The following SP140 variants were observed in gnomAD, a reference collection of about 807,000 sequenced individuals.
The protein encoded by SP140 is nuclear body protein SP140.
A neutral mutation model predicts 125.0 loss-of-function variants in SP140; 81 were observed. The ratio of observed to expected loss-of-function variants is 0.65; its 90% CI spans 0.54 to 0.78. The LOEUF is 0.78. Ranked by LOEUF, SP140 falls within the 30% of genes least tolerant of loss-of-function variation. SP140 has a pLI of 0.00. For missense variants in SP140, 858 were observed against 1,037.0 expected (o/e 0.83, Z 2.37); for synonymous variants, 312 against 354.0 (o/e 0.88, Z 1.33).
chr2:230,307,986 TATATACACAC>T (rs1399745320), intron 22 of SP140, among the ~76,000 whole-genome samples: 57 of 85,620 alleles, frequency 6.7e-4, no homozygotes, highest in African/African-American at 2.3e-3. Flanking sequence ...TATATATATA[TATATACACAC>T]ACACACACAC....
rs1189270278 is a variant in SP140 at position 230,226,042 on chromosome 2, AT to A, written c.59+145del. 5 of 698,518 alleles carry A rather than the reference AT, an allele frequency of 7.2e-6. No individual in the cohort carries two copies. The African/African-American group carries it at 7.2e-5, about 10-fold the overall frequency. 43.3% of individuals were successfully genotyped at this position (698,518 alleles called of 1,614,324 possible). A position where few individuals can be genotyped will look rare whatever the true frequency, so the allele number is the denominator to read the frequency against. On this transcript the variant is annotated intron_variant, in intron 1 of 26. Coordinates refer to ENST00000392045, the MANE Select transcript of SP140 (RefSeq NM_007237.5). Reference sequence around the variant, plus strand: ...TACAAATAAATAACGAGGCAATCAGATTTTTTAAATTGCAGGGATTGGCTGT... The same window carrying A: ...TACAAATAAATAACGAGGCAATCAGATTTTTAAATTGCAGGGATTGGCTGT...
At chr2:230,286,886 T>G (rs569652262) in intron 17 of SP140, among the ~76,000 whole-genome samples, 1 of 152,322 alleles carries the variant, frequency 6.6e-6, no homozygotes, top group South Asian at 2.1e-4. Context: ...CATGATATGC[T>G]TAGAACTTAT....
At chr2:230,257,890 G>A (rs563146392) in intron 12 of SP140, among the ~76,000 whole-genome samples, 2 of 152,240 alleles carry the variant, frequency 1.3e-5, no homozygotes, top group South Asian at 4.2e-4. Flanking sequence ...GTTTGTGGAA[G>A]TGTGGATCTC....
chr2:230,285,941 C>T, intron 17 of SP140, 109 bp downstream of exon 17: 1 of 802,830 alleles, frequency 1.2e-6, no homozygotes, highest in Non-Finnish European at 2.1e-6. Flanking sequence ...CAAGCTTAGT[C>T]AATTGGAGAG....
chr2:230,307,558 G>A (rs1412607279), intron 22 of SP140, among the ~76,000 whole-genome samples: 2 of 152,244 alleles, frequency 1.3e-5, no homozygotes, highest in Non-Finnish European at 2.9e-5. Flanking sequence ...CATGGAAGCT[G>A]TTTGCAGTGT....
chr2:230,269,592 C>G lies in SP140; in HGVS notation c.1301C>G (p.Ser434Cys). The G allele has an allele frequency of 1.3e-6, 2 of 1,593,778 alleles. No homozygotes were observed. Among genetic ancestry groups the G allele is most frequent in the Middle Eastern group, 3.3e-4 (2 of 5,986 alleles). Residue 434 changes from serine (S) to cysteine (C), a missense_variant, in exon 13 of 27, where the codon TCT (serine) becomes TGT (cysteine). This residue lies in a region of SP140 where 791 missense variants were observed against 869.5 expected (regional missense o/e 0.91). Coordinates refer to ENST00000392045, the MANE Select transcript of SP140 (RefSeq NM_007237.5). ...GAAGGAGAATCAGAAGAGCTTGCTT[C>G]TAGCCTGCTATATGATAATGTACCA... Reference protein sequence around the residue: ...NEEGESEELASSLLYDNVPGA... With the variant: ...NEEGESEELACSLLYDNVPGA...
intron 22 of SP140, among the ~76,000 whole-genome samples, chr2:230,301,504 T>G (rs2058280311): frequency 6.6e-6 from 1 of 152,138 alleles, no homozygotes; most frequent in African/African-American, 2.4e-5. Flanking sequence ...ACAAAATAAT[T>G]ATCAGCCAAG....
chr2:230,235,050 A>C (rs1238988959), intron 1 of SP140: 1 of 152,256 alleles, frequency 6.6e-6, no homozygotes, highest in Non-Finnish European at 1.5e-5. Context: ...TGTGGGCTTC[A>C]CTGAGCAAAT....
At chr2:230,210,003 T>C in intron 1 of SP140, 2 of 1,589,884 alleles carry the variant, frequency 1.3e-6, no homozygotes, top group Non-Finnish European at 1.7e-6. Flanking sequence ...GAATTATCTC[T>C]TATCTCTGAC....
chr2:230,233,268 TG>T (rs1439087429), intron 1 of SP140, among the ~76,000 whole-genome samples: 2 of 152,290 alleles, frequency 1.3e-5, no homozygotes, highest in African/African-American at 4.8e-5. Flanking sequence ...CATTTGAATT[TG>T]TATTTGAAAT....
chr2:230,249,035 G>C, intron 9 of SP140, 67 bp downstream of exon 9: 1 of 1,310,066 alleles, frequency 7.6e-7, no homozygotes. Flanking sequence ...TGGAAAAAAA[G>C]TTTCCCTTTC....
At chr2:230,310,532 C>T in intron 23 of SP140, 1 of 1,165,150 alleles carries the variant, frequency 8.6e-7, no homozygotes, top group Non-Finnish European at 1.2e-6. Flanking sequence ...CACCACCTTC[C>T]TCAGACTTCC....
At chr2:230,261,855 A>C (rs563373089) in intron 12 of SP140, among the ~76,000 whole-genome samples, 2 of 152,102 alleles carry the variant, frequency 1.3e-5, no homozygotes, top group South Asian at 2.1e-4. Flanking sequence ...TTCAGTTGGC[A>C]AGTATTTTGT....
In SP140 at chr2:230,243,726, G is replaced by A. The variant is rs764066719; in HGVS notation, c.491-5G>A. On this transcript the variant is annotated splice_polypyrimidine_tract_variant and splice_region_variant and intron_variant, in intron 4 of 26. Transcript: ENST00000392045. ...ACATCTAAGGGATTTCATTCCTTTC[G>A]GCAGAGAACAGCAATGCCTGTCATG... 1.7e-5 allele frequency: 28 copies of A among 1,607,974 alleles called. No homozygotes were observed. In the East Asian group the frequency reaches 1.8e-4, roughly 10 times the overall value.
chr2:230,274,680 A>G (rs1452359095), intron 15 of SP140, among the ~76,000 whole-genome samples: 1 of 149,986 alleles, frequency 6.7e-6, no homozygotes, highest in African/African-American at 2.4e-5. Flanking sequence ...TTTGTAAGAC[A>G]AAAAAAAAAT....
In SP140 at chr2:230,268,524, T is replaced by TAA. The variant is rs572801711; in HGVS notation, c.1241-994_1241-993dup. Among the ~76,000 whole-genome samples, 119 of 118,316 alleles carry TAA rather than the reference T, an allele frequency of 1.0e-3. 1 individual carries two copies. The highest frequency in any genetic ancestry group is 3.4e-3 in the African/African-American group (110 of 31,954). 77.6% of individuals were successfully genotyped at this position (118,316 alleles called of 152,430 possible). ...TGGGCGACAAGAGTGAAACTCTGTC[T>TAA]AAAAAAAAAAAAAAAGACAAAAGAA... On this transcript the variant is annotated intron_variant, in intron 12 of 26. Coordinates refer to ENST00000392045, the MANE Select transcript of SP140 (RefSeq NM_007237.5).
intron 12 of SP140, among the ~76,000 whole-genome samples, chr2:230,258,917 G>A (rs760174586): frequency 1.3e-5 from 2 of 150,736 alleles, no homozygotes; most frequent in Non-Finnish European, 2.9e-5. Context: ...TTTTCTAAAC[G>A]GGAACAGAGT....
At chr2:230,204,813 G>A (rs925167713) in intron 1 of SP140, among the ~76,000 whole-genome samples, 32 of 152,106 alleles carry the variant, frequency 2.1e-4, no homozygotes, top group African/African-American at 6.8e-4. Context: ...AAGTCAACAC[G>A]ACTGATGAAA....
In SP140 at chr2:230,249,304, G is replaced by A. The variant is rs1045112352; in HGVS notation, c.976+336G>A. On this transcript the variant is annotated intron_variant, in intron 9 of 26. Coordinates refer to ENST00000392045, the MANE Select transcript of SP140 (RefSeq NM_007237.5). ...ATAACAGCAGATTATGGCAACTGAC[G>A]CAGGGGAGAATGTTTTCAGCCTACT... Among the ~76,000 whole-genome samples, 95 of 152,228 alleles carry A rather than the reference G, an allele frequency of 6.2e-4. 1 individual carries two copies. Among genetic ancestry groups the A allele is most frequent in the African/African-American group, 2.0e-3 (85 of 41,524 alleles).
Sources: gnomAD v4.1 joint callset for allele counts (sites outside exome capture counted in the v4.1 genomes callset) on GRCh38, gnomAD v4.1.1 for gene constraint, gnomAD v4.1.1 regional missense constraint, MANE v1.5 for transcripts, NCBI Gene and HGNC (gene_info 2026-07-23, HGNC 2026-07-21) for gene names.